The following RHEB variants were observed in gnomAD, a reference collection of about 807,000 sequenced individuals.
RHEB encodes the protein GTP-binding protein Rheb.
Under a neutral mutation model 28.8 loss-of-function variants are expected in RHEB, and 2 were observed. The observed-to-expected ratio is 0.07, with a 90% confidence interval of 0.03 to 0.22. The LOEUF (loss-of-function observed/expected upper bound fraction) is 0.22. Ranked by LOEUF, RHEB falls within the 10% of genes least tolerant of loss-of-function variation. The pLI, the probability that RHEB is intolerant of heterozygous loss-of-function variation, is 1.00. For missense variants in RHEB, 76 were observed against 219.9 expected (o/e 0.35, Z 4.14); for synonymous variants, 69 against 77.3 (o/e 0.89, Z 0.56).
chr7:151,508,289 A>T (rs1468357889), intron 1 of RHEB, among the ~76,000 whole-genome samples: 1 of 152,236 alleles, frequency 6.6e-6, no homozygotes, highest in Non-Finnish European at 1.5e-5. Context: ...CGTCAGCCTG[A>T]ATGGTTAAAA....
At chr7:151,501,900 TG>T in intron 1 of RHEB, 1 of 705,000 alleles carries the variant, frequency 1.4e-6, no homozygotes, top group Non-Finnish European at 2.6e-6. Flanking sequence ...CCCAGTGCTG[TG>T]GACAGGAACG....
intron 1 of RHEB, among the ~76,000 whole-genome samples, chr7:151,501,249 C>T (rs1802767300): frequency 6.6e-6 from 1 of 152,158 alleles, no homozygotes; most frequent in Non-Finnish European, 1.5e-5. Context: ...GTTTCACTCT[C>T]ATAACTCAAC....
At chr7:151,508,769 C>T (rs759924539) in intron 1 of RHEB, among the ~76,000 whole-genome samples, 2 of 151,716 alleles carry the variant, frequency 1.3e-5, no homozygotes, top group African/African-American at 4.8e-5. Flanking sequence ...GGATTCTAGG[C>T]GTGAGCCACT....
In RHEB at chr7:151,510,432, G is replaced by T. The variant is rs981786891; in HGVS notation, c.52+9028C>A. On this transcript the variant is annotated intron_variant, in intron 1 of 7. Transcript: ENST00000262187. ...CAGTTTCCTTATCTGCAAAATAGGT[G>T]TAACAACTGCACCTACCCGAGTTTA... Among the ~76,000 whole-genome samples, 4 of 152,190 alleles carry T rather than the reference G, an allele frequency of 2.6e-5. No homozygotes were observed. In the South Asian group the frequency reaches 8.3e-4, roughly 32 times the overall value.
At chr7:151,513,669 T>C (rs1037316260) in intron 1 of RHEB, among the ~76,000 whole-genome samples, 2 of 152,230 alleles carry the variant, frequency 1.3e-5, no homozygotes, top group African/African-American at 2.4e-5. Flanking sequence ...TGATTTCAGA[T>C]TGCATAGTGT....
intron 3 of RHEB, among the ~76,000 whole-genome samples, chr7:151,481,924 T>G (rs1802387003): frequency 6.6e-6 from 1 of 152,234 alleles, no homozygotes; most frequent in Non-Finnish European, 1.5e-5. Flanking sequence ...TTTAAATTGT[T>G]TGATACCTGA....
intron 2 of RHEB, among the ~76,000 whole-genome samples, chr7:151,485,250 C>T (rs994211608): frequency 1.3e-5 from 2 of 152,152 alleles, no homozygotes; most frequent in Non-Finnish European, 2.9e-5. Context: ...ACTTTTAGTA[C>T]ATAAAAGAAG....
intron 1 of RHEB, among the ~76,000 whole-genome samples, chr7:151,491,710 C>G (rs1488279852): frequency 6.6e-6 from 1 of 151,132 alleles, no homozygotes; most frequent in Non-Finnish European, 1.5e-5. Flanking sequence ...GCACTCAAGC[C>G]TGGGCGACAG....
intron 1 of RHEB, chr7:151,503,314 A>G: frequency 1.2e-6 from 1 of 818,674 alleles, no homozygotes; most frequent in South Asian, 1.3e-5. Flanking sequence ...ATTTGGAGCT[A>G]TGTTGGAAAT....
chr7:151,519,283 C>T (rs1453722316), intron 1 of RHEB, 177 bp downstream of exon 1: 19 of 325,834 alleles, frequency 5.8e-5, no homozygotes, highest in African/African-American at 4.0e-4. Context: ...TCCACCGGCG[C>T]GGACGCCGCC....
At chr7:151,498,216 T>G (rs994287501) in intron 1 of RHEB, 1 of 1,140,260 alleles carries the variant, frequency 8.8e-7, no homozygotes, top group African/African-American at 1.6e-5. Flanking sequence ...GAGTTTAAAG[T>G]ACTGGAGGCA....
chr7:151,490,926 T>C lies in RHEB; in HGVS notation c.124+17A>G, dbSNP rs371312483. On this transcript the variant is annotated intron_variant, in intron 2 of 7. Coordinates refer to ENST00000262187, the MANE Select transcript of RHEB (RefSeq NM_005614.4). ...AGAAGGCTTCTCAGTTTTTAAGTACTTGAAAACAATACTTACTGTTTTCTA... is the reference window on the plus strand; with the variant it reads ...AGAAGGCTTCTCAGTTTTTAAGTACCTGAAAACAATACTTACTGTTTTCTA... The C allele has an allele frequency of 1.9e-6, 3 of 1,593,942 alleles. No individual in the cohort carries two copies. The highest frequency in any genetic ancestry group is 2.7e-5 in the African/African-American group (2 of 74,496).
At chr7:151,498,155 G>C in intron 1 of RHEB, 1 of 1,289,712 alleles carries the variant, frequency 7.8e-7, no homozygotes, top group South Asian at 1.2e-5. Context: ...ACTCACAACA[G>C]GTGCGTAGGT....
At chr7:151,482,909 G>C (rs543057119) in intron 3 of RHEB, among the ~76,000 whole-genome samples, 1 of 151,998 alleles carries the variant, frequency 6.6e-6, no homozygotes, top group African/African-American at 2.4e-5. Context: ...CCATGCCCCC[G>C]ACCCCCTAAC....
intron 1 of RHEB, among the ~76,000 whole-genome samples, chr7:151,494,797 A>C (rs1202949960): frequency 1.3e-5 from 2 of 152,234 alleles, no homozygotes; most frequent in African/African-American, 2.4e-5. Context: ...TTAATTATTT[A>C]ACTAATCCAG....
intron 1 of RHEB, chr7:151,501,926 A>G: frequency 1.4e-6 from 1 of 721,246 alleles, no homozygotes; most frequent in Non-Finnish European, 2.5e-6. Flanking sequence ...GTTCTGGAAG[A>G]TCAAGAAGCT....
rs2150919261 is a variant in RHEB at position 151,468,952 on chromosome 7, T to C, written c.462+1619A>G. ...AAAAGTCATTTAACTTCTCTGAAAC[T>C]TAATTTCCTCACTTCTAAAATGAGG... On this transcript the variant is annotated intron_variant, in intron 7 of 7. Transcript: ENST00000262187. This position sits in a 1 kb window ranked among gnomAD's most constrained non-coding sequence, Gnocchi z 4.3. 6.6e-6 allele frequency among the ~76,000 whole-genome samples: 1 copy of C among 152,380 alleles called. No individual in the cohort carries two copies. Among genetic ancestry groups the C allele is most frequent in the South Asian group, 2.1e-4 (1 of 4,826 alleles).
chr7:151,502,228 CAAAAAA>C (rs34312270), intron 1 of RHEB: 348 of 331,676 alleles, frequency 1.0e-3, no homozygotes, highest in South Asian at 1.3e-3. Context: ...AGAGCTGTCT[CAAAAAA>C]AAAAAAAAAA....
intron 1 of RHEB, chr7:151,501,966 C>G (rs931285762): frequency 1.6e-6 from 1 of 634,766 alleles, no homozygotes; most frequent in Non-Finnish European, 3.0e-6. Context: ...GGCTGGGCGC[C>G]GTGGCTCACG....
Sources: allele counts gnomAD v4.1 joint callset (sites outside exome capture counted in the v4.1 genomes callset), GRCh38; gene constraint gnomAD v4.1.1; non-coding constraint Gnocchi (gnomAD v3.1); transcripts MANE v1.5; gene names NCBI Gene and HGNC (gene_info 2026-07-23, HGNC 2026-07-21).